The following SUMF1 variants were observed in gnomAD, a reference collection of about 807,000 sequenced individuals.
SUMF1 encodes sulfatase modifying factor 1, also known as formylglycine-generating enzyme.
A neutral mutation model predicts 47.6 loss-of-function variants in SUMF1; 48 were observed. The observed-to-expected ratio is 1.01, with a 90% CI of 0.80 to 1.28. SUMF1 has a LOEUF of 1.28. Ranked by LOEUF, SUMF1 falls within the 50% of genes most tolerant of loss-of-function variation. The pLI is 0.00. For missense variants in SUMF1, 571 were observed against 485.4 expected (o/e 1.18, Z -1.66); for synonymous variants, 230 against 192.1 (o/e 1.20, Z -1.63).
intron 8 of SUMF1, among the ~76,000 whole-genome samples, chr3:4,341,040 T>G (rs1216057979): frequency 6.6e-6 from 1 of 151,938 alleles, no homozygotes; most frequent in East Asian, 1.9e-4. Context: ...CATCAGGGAG[T>G]GCATCTTTGA....
intron 8 of SUMF1, among the ~76,000 whole-genome samples, chr3:4,119,417 TAATATACACAG>T (rs912956729): frequency 1.3e-5 from 2 of 152,116 alleles, no homozygotes; most frequent in Non-Finnish European, 2.9e-5. Flanking sequence ...CAATGTGCCT[TAATATACACAG>T]AACCTGTGCC....
chr3:4,420,522 G>C (rs113363404), intron 3 of SUMF1, among the ~76,000 whole-genome samples: 2,524 of 151,048 alleles, frequency 0.017, 23 homozygotes, highest in Admixed American at 0.021. Flanking sequence ...TCAGCTTCCC[G>C]AGTAGCTGGG....
chr3:4,111,883 T>C (rs1471217656), intron 8 of SUMF1, among the ~76,000 whole-genome samples: 1 of 152,168 alleles, frequency 6.6e-6, no homozygotes, highest in Non-Finnish European at 1.5e-5. Flanking sequence ...ATTCATTCAT[T>C]AGAATTTACT....
chr3:4,299,708 G>A (rs1208678767), intron 8 of SUMF1, among the ~76,000 whole-genome samples: 3 of 152,184 alleles, frequency 2.0e-5, no homozygotes, highest in Admixed American at 6.5e-5. Flanking sequence ...TCCTCAAGAG[G>A]CTGAGGCAGG....
intron 8 of SUMF1, among the ~76,000 whole-genome samples, chr3:4,215,911 A>G (rs1207682403): frequency 6.6e-6 from 1 of 152,174 alleles, no homozygotes; most frequent in Non-Finnish European, 1.5e-5. Context: ...AAATGGAAAA[A>G]CATTCCATGC....
At chr3:4,284,607 A>G (rs540397530) in intron 8 of SUMF1, among the ~76,000 whole-genome samples, 6 of 152,024 alleles carry the variant, frequency 3.9e-5, no homozygotes, top group Non-Finnish European at 7.4e-5. Context: ...TCTTTGATAT[A>G]TATTTTACTC....
At chr3:4,439,603 C>T (rs1702512494) in intron 3 of SUMF1, among the ~76,000 whole-genome samples, 1 of 152,022 alleles carries the variant, frequency 6.6e-6, no homozygotes, top group Non-Finnish European at 1.5e-5. Flanking sequence ...AAATCTCTCT[C>T]ACTCAAAGGC....
intron 8 of SUMF1, among the ~76,000 whole-genome samples, chr3:4,072,843 C>T (rs1021351162): frequency 2.6e-5 from 4 of 152,094 alleles, no homozygotes; most frequent in African/African-American, 9.7e-5. Flanking sequence ...TGTGAAAAGA[C>T]CAAACCTACG....
intron 8 of SUMF1, among the ~76,000 whole-genome samples, chr3:4,298,063 C>A (rs1164810038): frequency 1.3e-5 from 2 of 151,960 alleles, no homozygotes; most frequent in Non-Finnish European, 2.9e-5. Context: ...TATTACTGAT[C>A]AGATTAGTTT....
intron 8 of SUMF1, among the ~76,000 whole-genome samples, chr3:4,333,038 C>A (rs758735330): frequency 4.6e-5 from 7 of 152,310 alleles, no homozygotes; most frequent in Non-Finnish European, 7.3e-5. Flanking sequence ...CATCCCCTAT[C>A]CAGCTCCCCA....
At chr3:4,370,753 C>A (rs79091747) in intron 8 of SUMF1, among the ~76,000 whole-genome samples, 2,688 of 152,226 alleles carry the variant, frequency 0.018, 46 homozygotes, top group African/African-American at 0.047. Flanking sequence ...CAATTGTTTT[C>A]TTTAGAAAGC....
intron 8 of SUMF1, among the ~76,000 whole-genome samples, chr3:4,341,864 C>T (rs1378055624): frequency 6.6e-6 from 1 of 152,138 alleles, no homozygotes; most frequent in South Asian, 2.1e-4. Flanking sequence ...TGTTTTTTAA[C>T]TAAGAAGTCA....
chr3:4,122,494 A>G (rs1230996627), intron 8 of SUMF1, among the ~76,000 whole-genome samples: 1 of 152,164 alleles, frequency 6.6e-6, no homozygotes, highest in African/African-American at 2.4e-5. Context: ...GTGGTTTTAC[A>G]ACAGTGTGAA....
intron 8 of SUMF1, among the ~76,000 whole-genome samples, chr3:4,192,470 T>C (rs1872414): frequency 0.68 from 103,007 of 151,406 alleles, 35,178 homozygotes; most frequent in African/African-American, 0.71. Flanking sequence ...TTTATATATA[T>C]ACACACAAAC....
intron 9 of SUMF1, among the ~76,000 whole-genome samples, chr3:4,052,897 A>C (rs1397671385): frequency 6.6e-6 from 1 of 152,154 alleles, no homozygotes; most frequent in Non-Finnish European, 1.5e-5. Flanking sequence ...TCCCCATATC[A>C]GCAGTAAGAC....
At chr3:4,096,554 C>A (rs1014560371) in intron 8 of SUMF1, among the ~76,000 whole-genome samples, 1 of 152,104 alleles carries the variant, frequency 6.6e-6, no homozygotes, top group African/African-American at 2.4e-5. Flanking sequence ...TGCACAGCAG[C>A]TTCTCTGTAT....
At chr3:4,449,413 C>T in intron 2 of SUMF1, 73 bp from the exon 3 acceptor site, 2 of 1,417,784 alleles carry the variant, frequency 1.4e-6, no homozygotes, top group Non-Finnish European at 2.0e-6. Context: ...CTTTTCTCTC[C>T]ACACTATTAA....
At chr3:4,463,197 A>G (rs1392138356) in intron 1 of SUMF1, among the ~76,000 whole-genome samples, 3 of 152,226 alleles carry the variant, frequency 2.0e-5, no homozygotes, top group African/African-American at 7.2e-5. Flanking sequence ...CTACAAAACT[A>G]GCACTACATT....
chr3:4,227,109 C>A (rs1438979366), intron 8 of SUMF1, among the ~76,000 whole-genome samples: 10 of 152,090 alleles, frequency 6.6e-5, no homozygotes, highest in Non-Finnish European at 1.5e-5. Context: ...CATGATTCTA[C>A]CAATCATTCA....
Sources: gnomAD v4.1 joint callset for allele counts (sites outside exome capture counted in the v4.1 genomes callset) on GRCh38, gnomAD v4.1.1 for gene constraint, MANE v1.5 for transcripts, NCBI Gene and HGNC (gene_info 2026-07-23, HGNC 2026-07-21) for gene names.